ANKRD30B: variants seen among roughly 807,000 people sequenced by gnomAD.
ANKRD30B encodes ankyrin repeat domain 30B.
ANKRD30B carries 144 observed loss-of-function variants against 202.2 expected under a neutral mutation model. That is an observed-to-expected ratio of 0.71 (90% confidence interval 0.62 to 0.82). The LOEUF (loss-of-function observed/expected upper bound fraction) is 0.82, where lower values mean the gene tolerates loss of function less well. Ranked by LOEUF, ANKRD30B falls within the 40% of genes least tolerant of loss-of-function variation. The pLI is 0.00. For missense variants in ANKRD30B, 1,487 were observed against 1,669.1 expected, an observed-to-expected ratio of 0.89 and a Z score of 1.90; for synonymous variants, 508 against 561.3, an observed-to-expected ratio of 0.91 and a Z score of 1.34.
In ANKRD30B at chr18:14,810,091, T is replaced by C. The variant is rs753276914; in HGVS notation, c.2416-17T>C. The C allele has an allele frequency of 1.2e-5, 18 of 1,499,188 alleles. No individual in the cohort carries two copies. Among genetic ancestry groups the C allele is most frequent in the Non-Finnish European group, 1.5e-5 (16 of 1,098,170 alleles). The allele number at this position is 1,499,188 out of a possible 1,614,324, so 92.9% of individuals were successfully genotyped here. A position where few individuals can be genotyped will look rare whatever the true frequency, so the allele number is the denominator to read the frequency against. On this transcript the variant is annotated splice_polypyrimidine_tract_variant and intron_variant, in intron 27 of 43. Coordinates refer to ENST00000690538, the MANE Select transcript of ANKRD30B (RefSeq NM_001367607.2). ...TATACATTATCTATTAATTTTTGTG[T>C]TTCCAAACCCATTTAGCCTACCTGT...
chr18:14,919,682 A>G, the ANKRD30B span, among the ~76,000 whole-genome samples: 1 of 152,204 alleles, frequency 6.6e-6, no homozygotes, highest in African/African-American at 2.4e-5. Context: ...TTCTAACATG[A>G]TGAACATATG....
chr18:14,799,002 G>T, intron 20 of ANKRD30B, 99 bp from the exon 21 acceptor site: 1 of 1,217,604 alleles, frequency 8.2e-7, no homozygotes, highest in Non-Finnish European at 1.2e-6. Context: ...TTCAATCCAA[G>T]CATCATGAGG....
intron 4 of ANKRD30B, 129 bp downstream of exon 4, chr18:14,755,134 C>A (rs1914132516): frequency 3.7e-6 from 2 of 536,252 alleles, no homozygotes; most frequent in Middle Eastern, 5.4e-4. Flanking sequence ...CATATCAACA[C>A]AAATTATCAG....
At chr18:14,798,431 C>T (rs563612649) in intron 20 of ANKRD30B, among the ~76,000 whole-genome samples, 1 of 152,242 alleles carries the variant, frequency 6.6e-6, no homozygotes, top group African/African-American at 2.4e-5. Flanking sequence ...GAAACACAGT[C>T]TTTCCATAAC....
the ANKRD30B span, among the ~76,000 whole-genome samples, chr18:14,860,264 C>T: frequency 1.4e-5 from 2 of 145,744 alleles, no homozygotes; most frequent in East Asian, 4.2e-4. Context: ...TCCCCACTTC[C>T]CAGATGGGGT....
rs752374686 is a variant in ANKRD30B at position 14,752,933 on chromosome 18, A to G, written c.431A>G (p.His144Arg). Residue 144 changes from histidine to arginine, a missense_variant, in exon 3 of 44, where the codon CAT becomes CGT. His to Arg is a conservative substitution (Grantham distance 29, BLOSUM62 0). Around this residue, in one of 6 missense-constraint regions of ANKRD30B, gnomAD observed 889 missense variants for 841.4 expected, o/e 1.06. Transcript: ENST00000690538. ...YVDVYGNTALHYAVYSENLLM... is the reference protein window; with the variant it reads ...YVDVYGNTALRYAVYSENLLM... The stretch of plus-strand genomic sequence containing the variant: ...GATGTGTATGGCAACACGGCTCTCC[A>G]TTATGCCGTTTATAGTGAGAATTTG... 2.5e-6 allele frequency: 4 copies of G among 1,604,230 alleles called. No homozygotes were observed. Among genetic ancestry groups the G allele is most frequent in the South Asian group, 1.1e-5 (1 of 89,846 alleles).
At position 14,748,570 on chromosome 18, in the gene ANKRD30B, G is replaced by T; in HGVS notation, c.151G>T (p.Val51Phe). Reference sequence around the variant, plus strand: ...CCATACAGCTGCCTCCCGGGGCCAAGTCCAGAAGCTGGAGAAGATGACAGT... The same window carrying T: ...CCATACAGCTGCCTCCCGGGGCCAATTCCAGAAGCTGGAGAAGATGACAGT... ...KIHTAASRGQ[V>F]QKLEKMTVGK... is the part of the protein sequence containing the mutation. The change falls in exon 1 of 44, where the codon GTC becomes TTC. Residue 51 changes from valine (V) to phenylalanine (F), a missense_variant. Physicochemically the swap from Val to Phe is conservative, Grantham distance 50. Transcript: ENST00000690538. The T allele has an allele frequency of 6.4e-7, 1 of 1,562,372 alleles. No individual in the cohort carries two copies. Among genetic ancestry groups the T allele is most frequent in the East Asian group, 2.4e-5 (1 of 42,052 alleles).
At chr18:14,912,736 T>C in the ANKRD30B span, among the ~76,000 whole-genome samples, 1 of 152,230 alleles carries the variant, frequency 6.6e-6, no homozygotes, top group South Asian at 2.1e-4. Context: ...TGTGAGCCCA[T>C]CTGGCCCTGG....
the ANKRD30B span, among the ~76,000 whole-genome samples, chr18:14,876,146 G>T: frequency 2.8e-5 from 4 of 143,536 alleles, no homozygotes; most frequent in African/African-American, 1.1e-4. Context: ...AGTAAGATGT[G>T]GGGGAGACAT....
intron 15 of ANKRD30B, among the ~76,000 whole-genome samples, chr18:14,787,954 A>G (rs1203294600): frequency 1.3e-5 from 2 of 152,138 alleles, no homozygotes; most frequent in Non-Finnish European, 2.9e-5. Flanking sequence ...TTCTTACTGC[A>G]TTTACATTCT....
At chr18:14,848,971 A>G (rs1167116016) in intron 40 of ANKRD30B, 42 bp downstream of exon 40, 6 of 1,441,138 alleles carry the variant, frequency 4.2e-6, no homozygotes, top group African/African-American at 2.9e-5. Context: ...AACTATTTAT[A>G]CTAAAAGTAT....
chr18:14,799,703 C>T (rs1479751792), intron 22 of ANKRD30B, among the ~76,000 whole-genome samples: 1 of 151,974 alleles, frequency 6.6e-6, no homozygotes, highest in Non-Finnish European at 1.5e-5. Context: ...CTCTGAGAAT[C>T]TAAAGAAAAT....
At chr18:14,920,729 T>C in the ANKRD30B span, among the ~76,000 whole-genome samples, 1 of 152,300 alleles carries the variant, frequency 6.6e-6, no homozygotes, top group Middle Eastern at 3.4e-3. Flanking sequence ...TGCACACCAC[T>C]TGTCCTCTTC....
chr18:14,932,461 C>T, the ANKRD30B span, among the ~76,000 whole-genome samples: 24 of 152,266 alleles, frequency 1.6e-4, no homozygotes, highest in Middle Eastern at 6.8e-3. Flanking sequence ...CTCAGCCTCC[C>T]GAGTAGCTGG....
At chr18:14,897,427 T>C in the ANKRD30B span, among the ~76,000 whole-genome samples, 2 of 152,244 alleles carry the variant, frequency 1.3e-5, no homozygotes, top group East Asian at 3.9e-4. Context: ...GTCATTCACC[T>C]GCCTCAGCCT....
At chr18:14,895,705 T>G in the ANKRD30B span, among the ~76,000 whole-genome samples, 1 of 152,252 alleles carries the variant, frequency 6.6e-6, no homozygotes, top group Non-Finnish European at 1.5e-5. Context: ...GGTATTGAGC[T>G]GTGAAGCCAC....
intron 3 of ANKRD30B, 134 bp from the exon 4 acceptor site, chr18:14,754,765 G>C: frequency 1.8e-6 from 1 of 553,180 alleles, no homozygotes; most frequent in Non-Finnish European, 2.9e-6. Context: ...AAAGGAGAAA[G>C]AAGGGACTGC....
At chr18:14,876,999 G>A in the ANKRD30B span, among the ~76,000 whole-genome samples, 1 of 152,316 alleles carries the variant, frequency 6.6e-6, no homozygotes, top group Middle Eastern at 3.4e-3. Flanking sequence ...TCAAATACAA[G>A]GATGTTTATG....
At chr18:14,855,829 G>A (rs1427619729), downstream of ANKRD30B, among the ~76,000 whole-genome samples, 26 of 148,240 alleles carry the variant, frequency 1.8e-4, no homozygotes, top group African/African-American at 6.2e-4. Flanking sequence ...GGGTGGCCAG[G>A]CAGAGGCACT....
Sources: gnomAD v4.1 joint callset for allele counts (sites outside exome capture counted in the v4.1 genomes callset) on GRCh38, gnomAD v4.1.1 for gene constraint, gnomAD v4.1.1 regional missense constraint, MANE v1.5 for transcripts, NCBI Gene and HGNC (gene_info 2026-07-23, HGNC 2026-07-21) for gene names.